Variants in KIF3B observed in about 807,000 individuals in gnomAD.
KIF3B encodes kinesin-like protein KIF3B.
Under a neutral mutation model 74.3 loss-of-function variants are expected in KIF3B, and 38 were observed. That is an observed-to-expected ratio of 0.51 (90% CI 0.39 to 0.67). The LOEUF (loss-of-function observed/expected upper bound fraction) is 0.67, where lower values mean the gene tolerates loss of function less well. Ranked by LOEUF, KIF3B falls within the 30% of genes least tolerant of loss-of-function variation. The pLI is 0.00. For synonymous variants in KIF3B, 326 were observed against 342.5 expected, an observed-to-expected ratio of 0.95 and a Z score of 0.53; for missense variants, 649 against 932.0, an observed-to-expected ratio of 0.70 and a Z score of 3.95.
Position 32,327,565 on chromosome 20 carries a change from G to A in KIF3B, c.1872G>A (p.Gln624=), listed in dbSNP as rs761536958. ...TGCAGTTCATTTCCAGGAACCAGCA[G>A]ATGATGAAGCGGCCAGTCTCAGCCG... ...LHPITRLENQ[Q]MMKRPVSAVG... is the part of the protein sequence containing the mutation. Residue 624 remains glutamine (Q), a synonymous_variant, in exon 7 of 9, where the codon CAG becomes CAA. Coordinates refer to ENST00000375712, the MANE Select transcript of KIF3B (RefSeq NM_004798.4). The A allele has an allele frequency of 1.9e-6, 3 of 1,613,314 alleles. No individual in the cohort carries two copies. The highest frequency in any genetic ancestry group is 1.7e-5 in the Admixed American group (1 of 59,982).
intron 6 of KIF3B, 77 bp downstream of exon 6, chr20:32,326,961 C>A: frequency 1.3e-6 from 1 of 744,742 alleles, no homozygotes; most frequent in South Asian, 1.7e-5. Context: ...GCCCTCTGGT[C>A]AACAAAGGGG....
intron 1 of KIF3B, among the ~76,000 whole-genome samples, chr20:32,297,109 G>A (rs988565534): frequency 1.3e-5 from 2 of 151,948 alleles, no homozygotes; most frequent in South Asian, 2.1e-4. Context: ...CTTCTTGCTC[G>A]AGTGTTGCAG....
intron 5 of KIF3B, among the ~76,000 whole-genome samples, chr20:32,324,916 A>T (rs1280868598): frequency 6.6e-6 from 1 of 152,124 alleles, no homozygotes; most frequent in Non-Finnish European, 1.5e-5. Flanking sequence ...CTATAGTCTC[A>T]GCTACTCCGG....
At chr20:32,329,996 A>C in intron 7 of KIF3B, 145 bp from the exon 8 acceptor site, 1 of 646,108 alleles carries the variant, frequency 1.5e-6, no homozygotes, top group Non-Finnish European at 2.5e-6. Flanking sequence ...GTAAAACGGC[A>C]TCACTTCTTT....
At chr20:32,287,144 T>C (rs1338773446) in intron 1 of KIF3B, among the ~76,000 whole-genome samples, 3 of 152,192 alleles carry the variant, frequency 2.0e-5, no homozygotes, top group Non-Finnish European at 2.9e-5. Context: ...TTCATAACCA[T>C]TTTTCCATAT....
intron 1 of KIF3B, among the ~76,000 whole-genome samples, chr20:32,294,145 TGTC>T (rs11469756): frequency 0.081 from 12,270 of 152,242 alleles, 869 homozygotes; most frequent in African/African-American, 0.2. Flanking sequence ...TAGTAGGTGT[TGTC>T]CAACAGACTT....
At chr20:32,295,394 A>G (rs910572453) in intron 1 of KIF3B, among the ~76,000 whole-genome samples, 4 of 150,822 alleles carry the variant, frequency 2.7e-5, no homozygotes, top group Admixed American at 6.6e-5. Context: ...CCGGGTTCAC[A>G]CCATTCTCCT....
chr20:32,293,354 T>C (rs1186727396), intron 1 of KIF3B, among the ~76,000 whole-genome samples: 1 of 151,782 alleles, frequency 6.6e-6, no homozygotes, highest in Non-Finnish European at 1.5e-5. Flanking sequence ...TCCCATACTT[T>C]GGGAGGCTGA....
intron 1 of KIF3B, among the ~76,000 whole-genome samples, chr20:32,299,848 G>T (rs557459273): frequency 6.6e-6 from 1 of 151,954 alleles, no homozygotes; most frequent in Non-Finnish European, 1.5e-5. Context: ...GAGTGCAGTG[G>T]TGTGATCCTG....
Position 32,283,496 on chromosome 20 carries a change from T to G in KIF3B, c.-66+5731T>G, listed in dbSNP as rs6119233. 6.8e-3 allele frequency among the ~76,000 whole-genome samples: 991 copies of G among 145,318 alleles called. 12 individuals carry two copies. Among genetic ancestry groups the G allele is most frequent in the African/African-American group, 0.025 (951 of 38,388 alleles). ...TCCAGCCTGGGCGACAGAGTGAGAC[T>G]CCGTCTCAAAAAAAAAAAAAATTCT... On this transcript the variant is annotated intron_variant, in intron 1 of 8. Coordinates refer to ENST00000375712, the MANE Select transcript of KIF3B (RefSeq NM_004798.4).
rs1320286182 is a variant in KIF3B, at chr20:32,334,465, A to C, written c.*3146A>C. 1 of 152,600 alleles carries C rather than the reference A, an allele frequency of 6.6e-6. No individual in the cohort carries two copies. The highest frequency in any genetic ancestry group is 6.5e-5 in the Admixed American group (1 of 15,274). 9.5% of individuals were successfully genotyped at this position (152,600 alleles called of 1,614,324 possible). On this transcript the variant is annotated 3_prime_UTR_variant, in exon 9 of 9. Transcript: ENST00000375712. ...ACAAGTCCTCCCTCACTGAATGTAG[A>C]ATCGTTGCCAAGTTTCTGAGAAGTG...
At chr20:32,282,602 G>A (rs1488509529) in intron 1 of KIF3B, among the ~76,000 whole-genome samples, 1 of 152,198 alleles carries the variant, frequency 6.6e-6, no homozygotes, top group Admixed American at 6.5e-5. Context: ...CTGTGGAGCG[G>A]CAGGTGTGGG....
chr20:32,297,059 A>G (rs1435089852), intron 1 of KIF3B, among the ~76,000 whole-genome samples: 2 of 151,704 alleles, frequency 1.3e-5, no homozygotes, highest in African/African-American at 4.8e-5. Context: ...AAGCCTGTCC[A>G]GGGAATTGGT....
At chr20:32,289,924 G>GT (rs1319170959) in intron 1 of KIF3B, among the ~76,000 whole-genome samples, 11 of 151,874 alleles carry the variant, frequency 7.2e-5, no homozygotes, top group East Asian at 3.8e-4. Flanking sequence ...CTAAGTCTCT[G>GT]TTTTTTTTCT....
At chr20:32,297,743 C>T (rs1041245958) in intron 1 of KIF3B, among the ~76,000 whole-genome samples, 1 of 151,918 alleles carries the variant, frequency 6.6e-6, no homozygotes, top group South Asian at 2.1e-4. Context: ...CCTATTGCTG[C>T]CACTTGGGGT....
intron 1 of KIF3B, among the ~76,000 whole-genome samples, chr20:32,282,436 G>A (rs1600414022): frequency 6.6e-6 from 1 of 152,240 alleles, no homozygotes; most frequent in East Asian, 1.9e-4. Flanking sequence ...TAGAGGAGAG[G>A]CACAAGGTAT....
rs971015315 is a variant in KIF3B at position 32,318,972 on chromosome 20, T to C, written c.1748+2098T>C. 4.2e-4 allele frequency among the ~76,000 whole-genome samples: 64 copies of C among 152,022 alleles called. 1 individual carries two copies. Among genetic ancestry groups the C allele is most frequent in the Non-Finnish European group, 7.4e-4 (50 of 67,986 alleles). On this transcript the variant is annotated intron_variant, in intron 5 of 8. Transcript: ENST00000375712. ...ATTTCTCCACATCTTCTTTTTTTTT[T>C]TTTTCTTTGAGACAGTCTCGTTCTG...
chr20:32,318,373 G>A (rs2047839140), intron 5 of KIF3B, among the ~76,000 whole-genome samples: 1 of 151,802 alleles, frequency 6.6e-6, no homozygotes, highest in South Asian at 2.1e-4. Context: ...ATATGCATAG[G>A]GCTATAAAAC....
intron 1 of KIF3B, among the ~76,000 whole-genome samples, chr20:32,289,892 G>A (rs1027512837): frequency 6.6e-6 from 1 of 152,122 alleles, no homozygotes; most frequent in East Asian, 1.9e-4. Flanking sequence ...TATTAACTCA[G>A]TGTGCCATGT....
Sources: gnomAD v4.1 joint callset for allele counts (sites outside exome capture counted in the v4.1 genomes callset) on GRCh38, gnomAD v4.1.1 for gene constraint, MANE v1.5 for transcripts, NCBI Gene and HGNC (gene_info 2026-07-23, HGNC 2026-07-21) for gene names.